GALNT18: variants seen among roughly 807,000 people sequenced by gnomAD.
GALNT18 encodes polypeptide N-acetylgalactosaminyltransferase 18.
A neutral mutation model predicts 69.5 loss-of-function variants in GALNT18; 44 were observed. The ratio of observed to expected loss-of-function variants is 0.63; its 90% CI spans 0.50 to 0.81. The LOEUF is 0.81. GALNT18 is among the 40% of genes least tolerant of loss of function. The pLI is 0.00. For synonymous variants in GALNT18, 364 were observed against 318.2 expected (o/e 1.14, Z -1.53); for missense variants, 715 against 810.0 (o/e 0.88, Z 1.42).
At chr11:11,357,889 A>G (rs1426877225) in intron 6 of GALNT18, among the ~76,000 whole-genome samples, 1 of 152,236 alleles carries the variant, frequency 6.6e-6, no homozygotes, top group Non-Finnish European at 1.5e-5. Context: ...TATTTATTGA[A>G]TAAATGCACT....
intron 8 of GALNT18, among the ~76,000 whole-genome samples, chr11:11,331,010 T>A (rs1172521698): frequency 6.6e-6 from 1 of 152,126 alleles, no homozygotes; most frequent in Non-Finnish European, 1.5e-5. Flanking sequence ...AACTCTCCTT[T>A]TAGGATTGGG....
At chr11:11,308,602 G>C (rs185854892) in intron 9 of GALNT18, among the ~76,000 whole-genome samples, 1 of 152,090 alleles carries the variant, frequency 6.6e-6, no homozygotes. Flanking sequence ...TGAATCTGCT[G>C]AGTCTCTAAT....
At position 11,435,868 on chromosome 11, in the gene GALNT18, A is replaced by T. The variant is rs1812094075; in HGVS notation, c.429-3081T>A. On this transcript the variant is annotated intron_variant, in intron 2 of 10. Coordinates refer to ENST00000227756, the MANE Select transcript of GALNT18 (RefSeq NM_198516.3). This position sits in a 1 kb window ranked among gnomAD's most constrained non-coding sequence, Gnocchi z 4.4. ...AATGGCCCCAATTCCTCACATTCGC[A>T]GTCTCCAGAAGTGCTCAGTTTCTTT... 6.6e-6 allele frequency among the ~76,000 whole-genome samples: 1 copy of T among 152,198 alleles called. No homozygotes were observed.
At chr11:11,585,926 C>T (rs1016528005) in intron 1 of GALNT18, among the ~76,000 whole-genome samples, 6 of 150,596 alleles carry the variant, frequency 4.0e-5, no homozygotes, top group African/African-American at 1.5e-4. Flanking sequence ...GTGGGGCCTT[C>T]GGGAGGTGAT....
chr11:11,300,039 A>G (rs1026864022), intron 9 of GALNT18, among the ~76,000 whole-genome samples: 1 of 152,252 alleles, frequency 6.6e-6, no homozygotes, highest in Non-Finnish European at 1.5e-5. Flanking sequence ...AGAGTCAAGG[A>G]GGGCCTCCCA....
chr11:11,612,589 G>C (rs148399444), intron 1 of GALNT18, among the ~76,000 whole-genome samples: 38 of 152,242 alleles, frequency 2.5e-4, no homozygotes, highest in African/African-American at 8.9e-4. Flanking sequence ...TGCTCCTCTG[G>C]GATCTCAATG....
At chr11:11,276,635 T>C (rs1440846597) in intron 10 of GALNT18, among the ~76,000 whole-genome samples, 4 of 152,202 alleles carry the variant, frequency 2.6e-5, no homozygotes, top group African/African-American at 4.8e-5. Context: ...CAGTATGATA[T>C]TGGCTGTGGG....
chr11:11,417,682 C>T (rs979475056), intron 3 of GALNT18, among the ~76,000 whole-genome samples: 12 of 152,160 alleles, frequency 7.9e-5, no homozygotes, highest in African/African-American at 2.7e-4. Flanking sequence ...TGCCTTGCAT[C>T]GGCCCACATC....
In GALNT18 at chr11:11,621,344, C is replaced by T; in HGVS notation, c.235+15G>A. On this transcript the variant is annotated intron_variant, in intron 1 of 10. Transcript: ENST00000227756. The surrounding 1 kb of genome is among the most constrained non-coding windows in gnomAD (Gnocchi z 9.3). Reference sequence around the variant, plus strand: ...CGGGCCTCATGGGCGACCCAAGTTTCCGGGGCGCCCGTACCTTGAATGTGC... The same window carrying T: ...CGGGCCTCATGGGCGACCCAAGTTTTCGGGGCGCCCGTACCTTGAATGTGC... 2 of 1,609,152 alleles carry T rather than the reference C, an allele frequency of 1.2e-6. No individual in the cohort carries two copies. Among genetic ancestry groups the T allele is most frequent in the South Asian group, 1.1e-5 (1 of 90,874 alleles).
chr11:11,368,435 A>G (rs1017724346), intron 6 of GALNT18, among the ~76,000 whole-genome samples: 1 of 152,216 alleles, frequency 6.6e-6, no homozygotes, highest in Non-Finnish European at 1.5e-5. Context: ...CAGAAAATAG[A>G]AATCCTCTCT....
chr11:11,456,353 G>T (rs2133831159), intron 1 of GALNT18, among the ~76,000 whole-genome samples: 1 of 152,330 alleles, frequency 6.6e-6, no homozygotes, highest in Middle Eastern at 3.4e-3. Flanking sequence ...AAGACTTGTT[G>T]TCTGACTTGA....
Position 11,621,686 on chromosome 11 carries a change from A to T in GALNT18, c.-93T>A. The T allele has an allele frequency of 1.1e-6, 1 of 938,804 alleles. No individual in the cohort carries two copies. Among genetic ancestry groups the T allele is most frequent in the Non-Finnish European group, 1.6e-6 (1 of 616,472 alleles). The allele number at this position is 938,804 out of a possible 1,614,324, so 58.2% of individuals were successfully genotyped here. A position where few individuals can be genotyped will look rare whatever the true frequency, so the allele number is the denominator to read the frequency against. Reference sequence around the variant, plus strand: ...CGCTCGCACCCCGTAGCACGTCCGGAGCCGCTGGGCACCTCAGCACCTGAG... The same window carrying T: ...CGCTCGCACCCCGTAGCACGTCCGGTGCCGCTGGGCACCTCAGCACCTGAG... On this transcript the variant is annotated 5_prime_UTR_variant, in exon 1 of 11. Transcript: ENST00000227756. The surrounding 1 kb of genome is among the most constrained non-coding windows in gnomAD (Gnocchi z 9.3).
At position 11,480,960 on chromosome 11, in the gene GALNT18, T is replaced by C. The variant is rs1461840140; in HGVS notation, c.236-32024A>G. Among the ~76,000 whole-genome samples the C allele has an allele frequency of 6.6e-6, 1 of 152,144 alleles. No homozygotes were observed. Among genetic ancestry groups the C allele is most frequent in the Non-Finnish European group, 1.5e-5 (1 of 68,026 alleles). On this transcript the variant is annotated intron_variant, in intron 1 of 10. Coordinates refer to ENST00000227756, the MANE Select transcript of GALNT18 (RefSeq NM_198516.3). The surrounding 1 kb of genome is among the most constrained non-coding windows in gnomAD (Gnocchi z 4.6). ...CAACCTCATGTGACTGGGGAGCCCT[T>C]CTTTGTGGACACATCCCAGGACTGA...
chr11:11,471,805 G>A (rs1344252454), intron 1 of GALNT18, among the ~76,000 whole-genome samples: 2 of 152,318 alleles, frequency 1.3e-5, no homozygotes, highest in Non-Finnish European at 1.5e-5. Context: ...TGACCAGTGG[G>A]GCCATAAGTC....
At chr11:11,479,464 T>C (rs1460400989) in intron 1 of GALNT18, among the ~76,000 whole-genome samples, 1 of 152,138 alleles carries the variant, frequency 6.6e-6, no homozygotes, top group Non-Finnish European at 1.5e-5. Context: ...CAGCAAATTA[T>C]TTAGAAATAT....
intron 3 of GALNT18, among the ~76,000 whole-genome samples, chr11:11,385,210 C>T (rs966362201): frequency 7.2e-5 from 11 of 152,050 alleles, no homozygotes; most frequent in Admixed American, 5.2e-4. Flanking sequence ...CCCACCACCC[C>T]AGGGAGGGCA....
chr11:11,548,356 C>T lies in GALNT18; in HGVS notation c.235+73003G>A, dbSNP rs552812270. Among the ~76,000 whole-genome samples, 4 of 152,326 alleles carry T rather than the reference C, an allele frequency of 2.6e-5. No individual in the cohort carries two copies. The South Asian group carries it at 8.3e-4, about 32-fold the overall frequency. On this transcript the variant is annotated intron_variant, in intron 1 of 10. Transcript: ENST00000227756. ...GTAGGTAGAAAAAAGAGAGAGGCAG[C>T]CTCTGTCATCCCAAGCCACAAGGAA...
At chr11:11,325,203 C>A (rs1345082783) in intron 9 of GALNT18, among the ~76,000 whole-genome samples, 1 of 152,170 alleles carries the variant, frequency 6.6e-6, no homozygotes, top group East Asian at 1.9e-4. Context: ...ATGTCTTTTG[C>A]AGTAACTTGG....
chr11:11,486,431 G>A (rs116088585), intron 1 of GALNT18, among the ~76,000 whole-genome samples: 92 of 152,284 alleles, frequency 6.0e-4, no homozygotes, highest in African/African-American at 2.1e-3. Context: ...TGTCAAGAAG[G>A]GGCAGAGATG....
Sources: gnomAD v4.1 joint callset for allele counts (sites outside exome capture counted in the v4.1 genomes callset) on GRCh38, gnomAD v4.1.1 for gene constraint, Gnocchi (gnomAD v3.1) non-coding constraint, MANE v1.5 for transcripts, NCBI Gene and HGNC (gene_info 2026-07-23, HGNC 2026-07-21) for gene names.